The following CCDC7 variants were observed in gnomAD, a reference collection of about 807,000 sequenced individuals.
CCDC7 encodes coiled-coil domain containing 7, also known as coiled-coil domain-containing protein 7.
A neutral mutation model predicts 196.9 loss-of-function variants in CCDC7; 183 were observed. That is an observed-to-expected ratio of 0.93 (90% confidence interval 0.82 to 1.05). The LOEUF (loss-of-function observed/expected upper bound fraction) is 1.05, where lower values mean the gene tolerates loss of function less well. CCDC7 is among the 50% of genes least tolerant of loss of function. The probability of loss-of-function intolerance (pLI) is 0.00; values close to 1 mark genes in which losing one functional copy is unlikely to be tolerated. For synonymous variants in CCDC7, 525 were observed against 484.6 expected, an observed-to-expected ratio of 1.08 and a Z score of -1.10; for missense variants, 1,540 against 1,482.2, an observed-to-expected ratio of 1.04 and a Z score of -0.64.
chr10:32,626,453 T>G (rs944481654), intron 18 of CCDC7, among the ~76,000 whole-genome samples: 1 of 152,058 alleles, frequency 6.6e-6, no homozygotes, highest in African/African-American at 2.4e-5. Context: ...TTATATATTT[T>G]ATGTATTAAA....
Position 32,828,461 on chromosome 10 carries a change from AGAAGAG to A in CCDC7, c.3268+3881_3268+3886del, listed in dbSNP as rs1200214324. Among the ~76,000 whole-genome samples the A allele has an allele frequency of 2.4e-3, 168 of 70,808 alleles. 3 individuals carry two copies. Among genetic ancestry groups the A allele is most frequent in the African/African-American group, 6.1e-3 (150 of 24,516 alleles). 46.5% of individuals were successfully genotyped at this position (70,808 alleles called of 152,430 possible). A position where few individuals can be genotyped will look rare whatever the true frequency, so the allele number is the denominator to read the frequency against. On this transcript the variant is annotated intron_variant, in intron 32 of 41. Coordinates refer to ENST00000639629, the Ensembl canonical transcript of CCDC7. ...AAGGAGAAGAAGAAGAAGAAGAAGA[AGAAGAG>A]GAAGAGGAAGAGGAAGAGGAAGAAG... is the stretch of plus-strand genomic sequence containing the variant.
chr10:32,725,240 T>C (rs1257946922), intron 25 of CCDC7: 1 of 434,520 alleles, frequency 2.3e-6, no homozygotes. Context: ...AAGCACCAAC[T>C]GATTTATGCA....
At chr10:32,481,324 A>ATTT (rs1316423857) in intron 8 of CCDC7, among the ~76,000 whole-genome samples, 1 of 152,112 alleles carries the variant, frequency 6.6e-6, no homozygotes, top group East Asian at 1.9e-4. Context: ...ATAAATAAGG[A>ATTT]CTTACTATTG....
intron 25 of CCDC7, among the ~76,000 whole-genome samples, chr10:32,714,826 T>C (rs1435115928): frequency 6.6e-6 from 1 of 152,148 alleles, no homozygotes; most frequent in African/African-American, 2.4e-5. Flanking sequence ...GCAAAGCCAC[T>C]GTAACCAGGC....
At chr10:32,685,192 A>G (rs1245390554) in intron 21 of CCDC7, among the ~76,000 whole-genome samples, 1 of 122,040 alleles carries the variant, frequency 8.2e-6, no homozygotes, top group East Asian at 2.5e-4. Context: ...GGTGGCATAC[A>G]AGTTTTCTCT....
intron 11 of CCDC7, among the ~76,000 whole-genome samples, chr10:32,531,057 T>C (rs1246143623): frequency 6.6e-6 from 1 of 152,232 alleles, no homozygotes; most frequent in African/African-American, 2.4e-5. Flanking sequence ...TATATCATGT[T>C]TATTGATTTG....
At chr10:32,797,108 G>A (rs1041566033) in intron 29 of CCDC7, among the ~76,000 whole-genome samples, 1 of 151,740 alleles carries the variant, frequency 6.6e-6, no homozygotes, top group Non-Finnish European at 1.5e-5. Flanking sequence ...GCAAAAATGT[G>A]GAACCAACCT....
At chr10:32,834,959 T>A in intron 33 of CCDC7, 61 bp downstream of exon 34, 1 of 667,472 alleles carries the variant, frequency 1.5e-6, no homozygotes, top group Non-Finnish European at 2.6e-6. Context: ...AAGTTAAATA[T>A]GGATCTTTGA....
intron 28 of CCDC7, among the ~76,000 whole-genome samples, chr10:32,751,350 T>C (rs117409274): frequency 1.8e-3 from 270 of 152,148 alleles, no homozygotes; most frequent in Non-Finnish European, 2.7e-3. Flanking sequence ...GTACCGAAAC[T>C]TTTTTCTCTG....
intron 22 of CCDC7, among the ~76,000 whole-genome samples, chr10:32,882,241 T>C (rs1351502992): frequency 2.6e-5 from 4 of 152,192 alleles, no homozygotes; most frequent in Admixed American, 1.3e-4. Context: ...AGAGGAGATA[T>C]CAAGTGTAGA....
chr10:32,741,742 T>G (rs2085889565), intron 28 of CCDC7, among the ~76,000 whole-genome samples: 1 of 152,208 alleles, frequency 6.6e-6, no homozygotes, highest in African/African-American at 2.4e-5. Flanking sequence ...CTGGTAATGT[T>G]TGTTTCATCA....
chr10:32,863,031 T>C (rs1258128296), intron 41 of CCDC7, among the ~76,000 whole-genome samples: 1 of 152,086 alleles, frequency 6.6e-6, no homozygotes, highest in East Asian at 1.9e-4. Flanking sequence ...AAATATTCAG[T>C]GTTCATGGAT....
intron 22 of CCDC7, 59 bp downstream of exon 23, chr10:32,686,139 T>TG: frequency 2.3e-6 from 2 of 854,984 alleles, no homozygotes; most frequent in Non-Finnish European, 3.5e-6. Context: ...AGCAAAGGTA[T>TG]TTTTCTTCAG....
chr10:32,856,225 A>G (rs1205762804), intron 41 of CCDC7, among the ~76,000 whole-genome samples: 2 of 152,238 alleles, frequency 1.3e-5, no homozygotes, highest in Non-Finnish European at 2.9e-5. Flanking sequence ...AGAATTTATC[A>G]AAATTAAAAA....
intron 18 of CCDC7, among the ~76,000 whole-genome samples, chr10:32,617,607 C>G (rs971824753): frequency 1.3e-5 from 2 of 151,750 alleles, no homozygotes; most frequent in Non-Finnish European, 3.0e-5. Flanking sequence ...TGAAGTTTCT[C>G]TTGGTATTGA....
chr10:32,669,784 A>G (rs1284069896), intron 21 of CCDC7, among the ~76,000 whole-genome samples: 5 of 151,996 alleles, frequency 3.3e-5, no homozygotes, highest in Admixed American at 3.3e-4. Context: ...TTAAAGATTC[A>G]TTGATTTTGT....
intron 41 of CCDC7, among the ~76,000 whole-genome samples, chr10:32,869,289 T>C (rs1428063544): frequency 6.6e-6 from 1 of 152,210 alleles, no homozygotes; most frequent in Non-Finnish European, 1.5e-5. Context: ...TATCTCATTG[T>C]GGTTTTGACT....
chr10:32,456,346 G>T lies in CCDC7; in HGVS notation c.456+12G>T. 1 of 1,495,692 alleles carries T rather than the reference G, an allele frequency of 6.7e-7. No individual in the cohort carries two copies. The highest frequency in any genetic ancestry group is 9.0e-7 in the Non-Finnish European group (1 of 1,106,554). The allele number at this position is 1,495,692 out of a possible 1,614,324, so 92.7% of individuals were successfully genotyped here. A position where few individuals can be genotyped will look rare whatever the true frequency, so the allele number is the denominator to read the frequency against. On this transcript the variant is annotated intron_variant, in intron 3 of 41. Transcript: ENST00000639629. ...AAGAAGAACAAAATGTATGTATTCTGTATATACTGTCAAGTATAAAATATC... is the reference window on the plus strand; with the variant it reads ...AAGAAGAACAAAATGTATGTATTCTTTATATACTGTCAAGTATAAAATATC...
chr10:32,652,953 G>A (rs993876186), intron 20 of CCDC7, among the ~76,000 whole-genome samples: 8 of 152,130 alleles, frequency 5.3e-5, no homozygotes, highest in African/African-American at 1.9e-4. Flanking sequence ...ATCAGATTGA[G>A]TAACTTCCTT....
Sources: allele counts gnomAD v4.1 joint callset (sites outside exome capture counted in the v4.1 genomes callset), GRCh38; gene constraint gnomAD v4.1.1; transcripts MANE v1.5; gene names NCBI Gene and HGNC (gene_info 2026-07-23, HGNC 2026-07-21).